The following PRUNE2 variants were observed in gnomAD, a reference collection of about 807,000 sequenced individuals.
PRUNE2 encodes the protein protein prune homolog 2.
Under a neutral mutation model 252.0 loss-of-function variants are expected in PRUNE2, and 164 were observed. The ratio of observed to expected loss-of-function variants is 0.65; its 90% CI spans 0.57 to 0.74. The LOEUF (loss-of-function observed/expected upper bound fraction) is 0.74. PRUNE2 is among the 30% of genes least tolerant of loss of function. PRUNE2 has a pLI of 0.00. For missense variants in PRUNE2, 3,495 were observed against 3,711.0 expected (o/e 0.94, Z 1.51); for synonymous variants, 1,292 against 1,350.2 (o/e 0.96, Z 0.94).
At chr9:76,758,419 C>T (rs2051362240) in intron 6 of PRUNE2, 1 of 151,978 alleles carries the variant, frequency 6.6e-6, no homozygotes, top group South Asian at 2.1e-4. Context: ...CAGAGAGTTG[C>T]AGAAGAATCA....
chr9:76,899,993 C>A (rs1026304247), intron 1 of PRUNE2, among the ~76,000 whole-genome samples: 1 of 152,154 alleles, frequency 6.6e-6, no homozygotes, highest in African/African-American at 2.4e-5. Flanking sequence ...GTGAAAGATG[C>A]TCTCAAAATG....
intron 1 of PRUNE2, among the ~76,000 whole-genome samples, chr9:76,880,270 C>T (rs2061702697): frequency 6.6e-6 from 1 of 152,138 alleles, no homozygotes; most frequent in Non-Finnish European, 1.5e-5. Context: ...TTCACAATTC[C>T]TGTACTTCAC....
intron 6 of PRUNE2, chr9:76,739,044 A>C (rs2049329466): frequency 6.6e-6 from 1 of 152,202 alleles, no homozygotes; most frequent in East Asian, 1.9e-4. Context: ...CAATTTTATA[A>C]GAAAACTGAC....
chr9:76,883,063 T>A (rs1460812739), intron 1 of PRUNE2, among the ~76,000 whole-genome samples: 1 of 152,242 alleles, frequency 6.6e-6, no homozygotes, highest in Non-Finnish European at 1.5e-5. Context: ...AGCTTTTGTA[T>A]ACGTGACTCC....
chr9:76,802,773 T>C (rs2131589876), intron 6 of PRUNE2, among the ~76,000 whole-genome samples: 1 of 150,748 alleles, frequency 6.6e-6, no homozygotes, highest in South Asian at 2.1e-4. Flanking sequence ...AAAAAAGTAC[T>C]AATAATTGGA....
At chr9:76,731,832 G>A (rs1437092496) in intron 6 of PRUNE2, among the ~76,000 whole-genome samples, 1 of 152,166 alleles carries the variant, frequency 6.6e-6, no homozygotes, top group African/African-American at 2.4e-5. Context: ...ACAAACTCAT[G>A]TATTATTTAT....
At chr9:76,856,429 A>G (rs528250550) in intron 1 of PRUNE2, 1 of 152,256 alleles carries the variant, frequency 6.6e-6, no homozygotes, top group South Asian at 2.1e-4. Context: ...TCCACCCTCA[A>G]CTTACAGGAA....
At chr9:76,746,241 T>C (rs1353228811) in intron 6 of PRUNE2, among the ~76,000 whole-genome samples, 1 of 152,064 alleles carries the variant, frequency 6.6e-6, no homozygotes, top group East Asian at 1.9e-4. Context: ...GGCCCCTAAA[T>C]AGCTTCAGGA....
At chr9:76,860,662 A>C (rs2060497308) in intron 1 of PRUNE2, among the ~76,000 whole-genome samples, 2 of 152,202 alleles carry the variant, frequency 1.3e-5, no homozygotes, top group Non-Finnish European at 2.9e-5. Context: ...ATTGAAACGA[A>C]TTTTGTTTTA....
rs755870067 is a variant in PRUNE2, at chr9:76,708,710, C to T, written c.3564G>A (p.Glu1188=). The T allele has an allele frequency of 6.2e-6, 10 of 1,613,970 alleles. No individual in the cohort carries two copies. In the Admixed American group the frequency reaches 8.3e-5, roughly 13 times the overall value. Residue 1188 remains glutamate (E), a synonymous_variant, in exon 8 of 19, where the codon GAG becomes GAA. Coordinates refer to ENST00000376718, the MANE Select transcript of PRUNE2 (RefSeq NM_015225.3). ...EYQEANQVDW[E]LPASDEHTKD... The stretch of plus-strand genomic sequence containing the variant: ...TGGTATGCTCATCAGAGGCAGGGAG[C>T]TCCCAATCTACCTGATTTGCTTCCT...
At chr9:76,651,005 T>C (rs1218799287) in intron 11 of PRUNE2, among the ~76,000 whole-genome samples, 1 of 152,144 alleles carries the variant, frequency 6.6e-6, no homozygotes, top group Non-Finnish European at 1.5e-5. Flanking sequence ...CTGGGATGGA[T>C]AGAGGAGCTG....
chr9:76,638,326 A>G, intron 12 of PRUNE2, 38 bp from the exon 13 acceptor site: 1 of 1,415,862 alleles, frequency 7.1e-7, no homozygotes, highest in Non-Finnish European at 1.0e-6. Context: ...AACCAATTGA[A>G]AGCTCTTAAC....
intron 10 of PRUNE2, among the ~76,000 whole-genome samples, chr9:76,654,579 T>A (rs543033538): frequency 3.9e-5 from 6 of 152,234 alleles, no homozygotes; most frequent in Non-Finnish European, 8.8e-5. Flanking sequence ...AAAATTGTTT[T>A]TAATTTTAAT....
chr9:76,747,584 C>T (rs964147092), intron 6 of PRUNE2, among the ~76,000 whole-genome samples: 1 of 152,122 alleles, frequency 6.6e-6, no homozygotes, highest in Non-Finnish European at 1.5e-5. Flanking sequence ...CCCAAAGCCT[C>T]CAGCCACTAC....
intron 6 of PRUNE2, among the ~76,000 whole-genome samples, chr9:76,720,940 A>C (rs1036575578): frequency 1.3e-5 from 2 of 152,118 alleles, no homozygotes; most frequent in African/African-American, 2.4e-5. Flanking sequence ...TCTCCACTAA[A>C]AATACAAAAA....
intron 6 of PRUNE2, among the ~76,000 whole-genome samples, chr9:76,752,230 T>A (rs1328889169): frequency 1.3e-5 from 2 of 152,120 alleles, no homozygotes; most frequent in East Asian, 3.8e-4. Flanking sequence ...CCCAAGTAGC[T>A]GGGACTACAG....
intron 6 of PRUNE2, chr9:76,759,300 G>C (rs1164760994): frequency 1.3e-5 from 2 of 152,268 alleles, no homozygotes; most frequent in African/African-American, 2.4e-5. Flanking sequence ...ATACTGGGTA[G>C]AAGAGGGCAG....
chr9:76,839,496 A>C (rs1015704852), intron 4 of PRUNE2, among the ~76,000 whole-genome samples: 4 of 152,210 alleles, frequency 2.6e-5, no homozygotes, highest in African/African-American at 9.7e-5. Flanking sequence ...AAAAGCTGAA[A>C]GGCTCTTGTG....
chr9:76,652,945 C>G (rs1017748256), intron 10 of PRUNE2, among the ~76,000 whole-genome samples: 8 of 152,216 alleles, frequency 5.3e-5, no homozygotes, highest in Middle Eastern at 6.8e-3. Flanking sequence ...GTAAGGGATA[C>G]TTAACCTATA....
Sources: gnomAD v4.1 joint callset for allele counts (sites outside exome capture counted in the v4.1 genomes callset) on GRCh38, gnomAD v4.1.1 for gene constraint, MANE v1.5 for transcripts, NCBI Gene and HGNC (gene_info 2026-07-23, HGNC 2026-07-21) for gene names.